The following RIMS1 variants were observed in gnomAD, a reference collection of about 807,000 sequenced individuals.
RIMS1 encodes the protein regulating synaptic membrane exocytosis protein 1.
In RIMS1, 83 loss-of-function variants were observed where a neutral mutation model predicts 214.1. The observed-to-expected ratio is 0.39, with a 90% CI of 0.32 to 0.47. The LOEUF is 0.47. RIMS1 is among the 20% of genes least tolerant of loss of function. The probability of loss-of-function intolerance (pLI) is 0.99; values close to 1 mark genes in which losing one functional copy is unlikely to be tolerated. For synonymous variants in RIMS1, 793 were observed against 786.8 expected (o/e 1.01, Z -0.13); for missense variants, 2,050 against 2,161.8 (o/e 0.95, Z 1.03).
At chr6:72,261,565 G>A in intron 19 of RIMS1, 2 of 949,290 alleles carry the variant, frequency 2.1e-6, no homozygotes, top group Non-Finnish European at 2.5e-6. Context: ...GAATATAGAA[G>A]TTAAGGAAGT....
intron 1 of RIMS1, among the ~76,000 whole-genome samples, chr6:71,904,990 C>T (rs962941826): frequency 2.0e-5 from 3 of 152,046 alleles, no homozygotes; most frequent in Non-Finnish European, 4.4e-5. Flanking sequence ...GACAATATAG[C>T]AGGAATCTTA....
At chr6:72,307,161 A>G (rs550850174) in intron 26 of RIMS1, 97 bp from the exon 27 acceptor site, 4 of 745,498 alleles carry the variant, frequency 5.4e-6, no homozygotes, top group Non-Finnish European at 9.2e-6. Context: ...AATTTTATTT[A>G]ATTGAAGTCA....
chr6:72,132,282 A>G (rs2040571363), intron 4 of RIMS1, among the ~76,000 whole-genome samples: 1 of 152,200 alleles, frequency 6.6e-6, no homozygotes, highest in Non-Finnish European at 1.5e-5. Context: ...AGACAGGCAT[A>G]AGAAATTATA....
At chr6:72,260,998 G>A in intron 19 of RIMS1, 1 of 1,314,624 alleles carries the variant, frequency 7.6e-7, no homozygotes, top group Non-Finnish European at 9.8e-7. Context: ...CCAGAGACTA[G>A]TGGGCCTCTC....
At chr6:72,398,860 T>G (rs1038705599) in intron 32 of RIMS1, 95 bp from the exon 33 acceptor site, 6 of 727,992 alleles carry the variant, frequency 8.2e-6, no homozygotes, top group Non-Finnish European at 1.1e-5. Flanking sequence ...AAACTTTCAG[T>G]AAGCATCTCT....
At chr6:71,946,963 TA>T (rs1359486663) in intron 1 of RIMS1, among the ~76,000 whole-genome samples, 3 of 152,060 alleles carry the variant, frequency 2.0e-5, no homozygotes, top group East Asian at 3.9e-4. Context: ...ATAACCTGAT[TA>T]AAAAATGGAC....
intron 2 of RIMS1, among the ~76,000 whole-genome samples, chr6:71,989,977 T>A (rs1801104642): frequency 6.6e-6 from 1 of 152,156 alleles, no homozygotes; most frequent in Non-Finnish European, 1.5e-5. Flanking sequence ...ACGTCCCAGC[T>A]TCTCCCAGAC....
chr6:72,044,286 A>G (rs1198261508), intron 2 of RIMS1, among the ~76,000 whole-genome samples: 1 of 151,848 alleles, frequency 6.6e-6, no homozygotes, highest in East Asian at 1.9e-4. Flanking sequence ...GAAAACTATT[A>G]AAATAAAACA....
intron 1 of RIMS1, among the ~76,000 whole-genome samples, chr6:71,938,059 G>A (rs1036470770): frequency 6.6e-6 from 1 of 152,150 alleles, no homozygotes; most frequent in Non-Finnish European, 1.5e-5. Flanking sequence ...ACAGCCACAG[G>A]ATAAACATTC....
At chr6:71,952,754 C>T (rs550147103) in intron 1 of RIMS1, among the ~76,000 whole-genome samples, 4 of 152,058 alleles carry the variant, frequency 2.6e-5, no homozygotes, top group Non-Finnish European at 5.9e-5. Context: ...CAGGGCACAG[C>T]GTTTATTTCT....
At position 72,293,091 on chromosome 6, in the gene RIMS1, T is replaced by C. The variant is rs574849503; in HGVS notation, c.3850+1045T>C. Among the ~76,000 whole-genome samples the C allele has an allele frequency of 3.3e-5, 5 of 152,142 alleles. No homozygotes were observed. The South Asian group carries it at 1.0e-3, about 31-fold the overall frequency. On this transcript the variant is annotated intron_variant, in intron 26 of 33. Transcript: ENST00000521978. ...GTTTCAAAGACTGATGTGGCATAGA[T>C]TGCCATGCAGAATACTTGATTATGG... is the stretch of plus-strand genomic sequence containing the variant.
chr6:72,066,257 C>T (rs540714219), intron 2 of RIMS1, among the ~76,000 whole-genome samples: 1 of 152,290 alleles, frequency 6.6e-6, no homozygotes, highest in South Asian at 2.1e-4. Context: ...TTTCAGTTTT[C>T]TTCGTTGCTT....
chr6:72,370,716 G>A (rs545079495), intron 29 of RIMS1, among the ~76,000 whole-genome samples: 7 of 152,268 alleles, frequency 4.6e-5, no homozygotes, highest in African/African-American at 1.4e-4. Context: ...TGTATGGATA[G>A]CATTTAGAAA....
intron 4 of RIMS1, among the ~76,000 whole-genome samples, chr6:72,171,822 T>C (rs1289439434): frequency 6.6e-6 from 1 of 152,196 alleles, no homozygotes; most frequent in East Asian, 1.9e-4. Context: ...TGTAGTTCCC[T>C]AACTCTTGTT....
chr6:72,011,980 G>T (rs1266774667), intron 2 of RIMS1, among the ~76,000 whole-genome samples: 1 of 152,160 alleles, frequency 6.6e-6, no homozygotes, highest in Admixed American at 6.5e-5. Flanking sequence ...CCATTACTGG[G>T]TATATACCCA....
At chr6:71,930,816 T>C (rs1782808746) in intron 1 of RIMS1, among the ~76,000 whole-genome samples, 2 of 152,004 alleles carry the variant, frequency 1.3e-5, no homozygotes, top group Admixed American at 6.6e-5. Flanking sequence ...GGTATAAGTG[T>C]TTAGATTCTT....
chr6:72,191,939 G>A (rs901049022), intron 6 of RIMS1, among the ~76,000 whole-genome samples: 14 of 152,338 alleles, frequency 9.2e-5, no homozygotes, highest in Admixed American at 7.2e-4. Context: ...AGTCACTCCA[G>A]GGATGTGATA....
chr6:71,914,164 A>G (rs1056833842), intron 1 of RIMS1, among the ~76,000 whole-genome samples: 13 of 152,162 alleles, frequency 8.5e-5, no homozygotes, highest in Non-Finnish European at 2.9e-5. Flanking sequence ...TTCTTTGTGA[A>G]TAGGAAAATA....
rs923939375 is a variant in RIMS1, at chr6:72,119,013, T to C, written c.471+19027T>C. On this transcript the variant is annotated intron_variant, in intron 4 of 33. Coordinates refer to ENST00000521978, the MANE Select transcript of RIMS1 (RefSeq NM_014989.7). ...AGAAAGAAATAAAGGACATCCAAAT[T>C]GGAAAAGAGAAAGTCAAACAGTTGC... 7.9e-5 allele frequency among the ~76,000 whole-genome samples: 12 copies of C among 151,534 alleles called. 1 individual carries two copies. The highest frequency in any genetic ancestry group is 1.3e-4 in the Non-Finnish European group (9 of 67,740).
Sources: allele counts gnomAD v4.1 joint callset (sites outside exome capture counted in the v4.1 genomes callset), GRCh38; gene constraint gnomAD v4.1.1; transcripts MANE v1.5; gene names NCBI Gene and HGNC (gene_info 2026-07-23, HGNC 2026-07-21).